The following CAPZA2 variants were observed in gnomAD, a reference collection of about 807,000 sequenced individuals.
CAPZA2 encodes F-actin-capping protein subunit alpha-2.
Under a neutral mutation model 44.0 loss-of-function variants are expected in CAPZA2, and 13 were observed. That is an observed-to-expected ratio of 0.30 (90% CI 0.19 to 0.47). CAPZA2 has a LOEUF of 0.47. Ranked by LOEUF, CAPZA2 falls within the 20% of genes least tolerant of loss-of-function variation. The probability of loss-of-function intolerance (pLI) is 1.00; values close to 1 mark genes in which losing one functional copy is unlikely to be tolerated. For missense variants in CAPZA2, 244 were observed against 338.6 expected (o/e 0.72, Z 2.19); for synonymous variants, 94 against 108.2 (o/e 0.87, Z 0.81).
chr7:116,892,482 G>T (rs1219712375), intron 2 of CAPZA2, among the ~76,000 whole-genome samples: 1 of 151,896 alleles, frequency 6.6e-6, no homozygotes, highest in East Asian at 1.9e-4. Flanking sequence ...AATCTTTTCT[G>T]CAGACTTTAA....
chr7:116,906,829 G>A (rs1375484841), intron 6 of CAPZA2: 1 of 152,394 alleles, frequency 6.6e-6, no homozygotes, highest in Non-Finnish European at 1.5e-5. Context: ...GTAATTTTGT[G>A]TACAAATAAT....
intron 2 of CAPZA2, among the ~76,000 whole-genome samples, chr7:116,890,545 TATATATATATATATATATATATACAC>T (rs1306530458): frequency 0.03 from 359 of 11,870 alleles, 1 homozygote; most frequent in Non-Finnish European, 0.035. Context: ...TATATATATA[TATATATATATATATATATATATACAC>T]ATATATATAT....
At position 116,872,957 on chromosome 7, in the gene CAPZA2, C is replaced by T. The variant is rs1480486358; in HGVS notation, c.39+10307C>T. Among the ~76,000 whole-genome samples the T allele has an allele frequency of 2.0e-5, 3 of 152,116 alleles. No individual in the cohort carries two copies. In the East Asian group the frequency reaches 5.8e-4, roughly 29 times the overall value. ...TCTAAAACATAGATTTCTAGGTCCC[C>T]ATTCTCTGGAGATAGATTCACTGGG... On this transcript the variant is annotated intron_variant, in intron 1 of 9. Coordinates refer to ENST00000361183, the MANE Select transcript of CAPZA2 (RefSeq NM_006136.3).
At chr7:116,896,381 T>C (rs528178461) in intron 3 of CAPZA2, among the ~76,000 whole-genome samples, 2 of 152,278 alleles carry the variant, frequency 1.3e-5, no homozygotes, top group Admixed American at 6.5e-5. Flanking sequence ...TAGACTTTGC[T>C]GTGATGATGA....
chr7:116,883,490 C>G (rs2237720), intron 1 of CAPZA2, among the ~76,000 whole-genome samples: 33,979 of 152,106 alleles, frequency 0.22, 3,917 homozygotes, highest in East Asian at 0.4. Flanking sequence ...CAGATTCTTA[C>G]CTTTTGAAAA....
At chr7:116,876,380 G>A (rs1420663775) in intron 1 of CAPZA2, 1 of 152,086 alleles carries the variant, frequency 6.6e-6, no homozygotes, top group Non-Finnish European at 1.5e-5. Flanking sequence ...GGTTGGCTCA[G>A]ATCTTCCTTA....
chr7:116,918,311 A>T lies in CAPZA2; in HGVS notation c.*444A>T, dbSNP rs1374253712. ...ATGGATTTAGCCATATATGCTGCTA[A>T]AGAAATTGTCTACCTTTTCTTCCTC... is the stretch of plus-strand genomic sequence containing the variant. On this transcript the variant is annotated 3_prime_UTR_variant, in exon 10 of 10. Transcript: ENST00000361183. The T allele has an allele frequency of 1.3e-5, 2 of 155,582 alleles. No individual in the cohort carries two copies. Among genetic ancestry groups the T allele is most frequent in the Non-Finnish European group, 2.9e-5 (2 of 69,682 alleles). 9.6% of individuals were successfully genotyped at this position (155,582 alleles called of 1,614,324 possible).
chr7:116,914,422 T>TATAC (rs1158151945), intron 8 of CAPZA2, among the ~76,000 whole-genome samples: 5 of 130,158 alleles, frequency 3.8e-5, no homozygotes, highest in African/African-American at 2.8e-5. Flanking sequence ...TATATTTACA[T>TATAC]ATACATACAT....
At chr7:116,887,072 C>T (rs746470372) in intron 1 of CAPZA2, among the ~76,000 whole-genome samples, 25 of 152,184 alleles carry the variant, frequency 1.6e-4, no homozygotes, top group Non-Finnish European at 7.3e-5. Flanking sequence ...TTTCCTTTCT[C>T]CTTTTTTTCT....
intron 3 of CAPZA2, among the ~76,000 whole-genome samples, chr7:116,895,971 C>T (rs1243506429): frequency 6.6e-6 from 1 of 152,062 alleles, no homozygotes; most frequent in East Asian, 1.9e-4. Context: ...AACTACGTAA[C>T]AAAAGCTTAG....
At chr7:116,876,849 C>G (rs1796628994) in intron 1 of CAPZA2, among the ~76,000 whole-genome samples, 1 of 152,134 alleles carries the variant, frequency 6.6e-6, no homozygotes, top group South Asian at 2.1e-4. Flanking sequence ...CCACGCAGGC[C>G]CACATGGGAG....
intron 5 of CAPZA2, among the ~76,000 whole-genome samples, chr7:116,905,139 AAAAAAAAAAAAAAG>A: frequency 7.0e-6 from 1 of 143,322 alleles, no homozygotes; most frequent in African/African-American, 2.6e-5. Flanking sequence ...ACTCTGTCTC[AAAAAAAAAAAAAAG>A]AAAAGAAAAA....
chr7:116,882,602 C>T (rs1338337611), intron 1 of CAPZA2, among the ~76,000 whole-genome samples: 2 of 151,984 alleles, frequency 1.3e-5, no homozygotes, highest in African/African-American at 4.8e-5. Flanking sequence ...TCTCAGGGCT[C>T]ACATGTATTT....
chr7:116,914,955 G>A (rs772872872), intron 8 of CAPZA2, among the ~76,000 whole-genome samples: 3 of 152,096 alleles, frequency 2.0e-5, no homozygotes, highest in Non-Finnish European at 4.4e-5. Context: ...GTATGGTGCC[G>A]TCTTGTTTGG....
At chr7:116,896,387 G>A (rs1796928094) in intron 3 of CAPZA2, among the ~76,000 whole-genome samples, 1 of 152,134 alleles carries the variant, frequency 6.6e-6, no homozygotes, top group Admixed American at 6.5e-5. Context: ...TTGCTGTGAT[G>A]ATGAGATAAA....
chr7:116,917,388 G>A (rs1315036489), intron 9 of CAPZA2, among the ~76,000 whole-genome samples: 1 of 152,200 alleles, frequency 6.6e-6, no homozygotes, highest in East Asian at 1.9e-4. Context: ...CCGAGTAGCC[G>A]GGACTACAGA....
chr7:116,884,492 A>G (rs1708351770), intron 1 of CAPZA2, among the ~76,000 whole-genome samples: 1 of 152,116 alleles, frequency 6.6e-6, no homozygotes. Context: ...TGAGAATGTC[A>G]TATATAGGGA....
At position 116,904,367 on chromosome 7, in the gene CAPZA2, C is replaced by T. The variant is rs754263459; in HGVS notation, c.410C>T (p.Pro137Leu). The change falls in exon 5 of 10, where the codon CCG becomes CTG. Residue 137 changes from proline to leucine, a missense_variant. Coordinates refer to ENST00000361183, the MANE Select transcript of CAPZA2 (RefSeq NM_006136.3). Reference sequence around the variant, plus strand: ...AGAGCTTACGTAAAAGAACATTACCCGAATGGAGTCTGCACTGTAAGTCAT... The same window carrying T: ...AGAGCTTACGTAAAAGAACATTACCTGAATGGAGTCTGCACTGTAAGTCAT... Reference protein sequence around the residue: ...ALRAYVKEHYPNGVCTVYGKK... With the variant: ...ALRAYVKEHYLNGVCTVYGKK... 3.5e-5 allele frequency: 56 copies of T among 1,610,012 alleles called. No individual in the cohort carries two copies. Among genetic ancestry groups the T allele is most frequent in the Non-Finnish European group, 4.4e-5 (52 of 1,176,490 alleles).
At position 116,900,634 on chromosome 7, in the gene CAPZA2, A is replaced by G. The variant is rs937943283; in HGVS notation, c.219+1799A>G. Among the ~76,000 whole-genome samples, 4 of 152,150 alleles carry G rather than the reference A, an allele frequency of 2.6e-5. No individual in the cohort carries two copies. The East Asian group carries it at 7.7e-4, about 29-fold the overall frequency. On this transcript the variant is annotated intron_variant, in intron 4 of 9. Coordinates refer to ENST00000361183, the MANE Select transcript of CAPZA2 (RefSeq NM_006136.3). ...GCATACGATTATGAAGAAAATAGTGACGGTCTTCTCAAGCAACAAAAGCAA... is the reference window on the plus strand; with the variant it reads ...GCATACGATTATGAAGAAAATAGTGGCGGTCTTCTCAAGCAACAAAAGCAA...
Sources: allele counts gnomAD v4.1 joint callset (sites outside exome capture counted in the v4.1 genomes callset), GRCh38; gene constraint gnomAD v4.1.1; transcripts MANE v1.5; gene names NCBI Gene and HGNC (gene_info 2026-07-23, HGNC 2026-07-21).